CHSY3: variants seen among roughly 807,000 people sequenced by gnomAD.
CHSY3 encodes the protein chondroitin sulfate synthase 3.
In CHSY3, 35 loss-of-function variants were observed where a neutral mutation model predicts 67.2. That is an observed-to-expected ratio of 0.52 (90% CI 0.40 to 0.69). The LOEUF is 0.69. Ranked by LOEUF, CHSY3 falls within the 30% of genes least tolerant of loss-of-function variation. The pLI, the probability that CHSY3 is intolerant of heterozygous loss-of-function variation, is 0.00. For missense variants in CHSY3, 1,069 were observed against 1,138.5 expected (o/e 0.94, Z 0.88); for synonymous variants, 474 against 434.7 (o/e 1.09, Z -1.12).
chr5:129,962,326 A>G (rs1762349565), intron 2 of CHSY3, among the ~76,000 whole-genome samples: 1 of 151,876 alleles, frequency 6.6e-6, no homozygotes, highest in Admixed American at 6.6e-5. Flanking sequence ...CCTGAATTCA[A>G]TCTGTCCCCA....
intron 2 of CHSY3, among the ~76,000 whole-genome samples, chr5:130,159,279 C>T (rs1479521466): frequency 6.6e-6 from 1 of 151,632 alleles, no homozygotes; most frequent in East Asian, 2.0e-4. Context: ...ATCCTCCCAC[C>T]CCAGCCTCCC....
intron 2 of CHSY3, among the ~76,000 whole-genome samples, chr5:129,977,335 C>T (rs1049819994): frequency 3.9e-5 from 6 of 152,082 alleles, no homozygotes; most frequent in Non-Finnish European, 7.4e-5. Context: ...AAAGCATAAG[C>T]AATCCTTTAA....
chr5:130,147,140 A>G (rs2149722515), intron 2 of CHSY3, among the ~76,000 whole-genome samples: 1 of 152,306 alleles, frequency 6.6e-6, no homozygotes, highest in South Asian at 2.1e-4. Flanking sequence ...TTGTTTCCAC[A>G]TGATATATCT....
rs547724084 is a variant in CHSY3 at position 129,929,015 on chromosome 5, C to T, written c.1086+20655C>T. 9.9e-5 allele frequency among the ~76,000 whole-genome samples: 15 copies of T among 152,242 alleles called. No homozygotes were observed. In the South Asian group the frequency reaches 2.7e-3, roughly 27 times the overall value. ...ACTATATATTCTTCTCACAATGTTA[C>T]ACTGAAATTCTGCTTATGAGTTCAA... On this transcript the variant is annotated intron_variant, in intron 2 of 2. Coordinates refer to ENST00000305031, the MANE Select transcript of CHSY3 (RefSeq NM_175856.5).
chr5:130,149,327 A>G (rs1379034638), intron 2 of CHSY3, among the ~76,000 whole-genome samples: 13 of 152,240 alleles, frequency 8.5e-5, no homozygotes, highest in African/African-American at 2.9e-4. Flanking sequence ...CAGGCTTCAC[A>G]GGAAGCATAG....
At chr5:130,127,391 A>C (rs1173341876) in intron 2 of CHSY3, among the ~76,000 whole-genome samples, 1 of 152,212 alleles carries the variant, frequency 6.6e-6, no homozygotes, top group African/African-American at 2.4e-5. Flanking sequence ...AAGAAAAAGG[A>C]AAGGAGAGAG....
chr5:130,107,805 A>C (rs75984438), intron 2 of CHSY3, among the ~76,000 whole-genome samples: 2,296 of 151,656 alleles, frequency 0.015, 67 homozygotes, highest in African/African-American at 0.053. Flanking sequence ...AGCAAGCTCT[A>C]TCCTCTCCAC....
At chr5:130,098,888 A>C (rs1409728726) in intron 2 of CHSY3, among the ~76,000 whole-genome samples, 1 of 152,188 alleles carries the variant, frequency 6.6e-6, no homozygotes, top group Non-Finnish European at 1.5e-5. Flanking sequence ...AGTTGCCTTT[A>C]ATTATTAGTG....
At chr5:130,012,065 C>T (rs1196811920) in intron 2 of CHSY3, among the ~76,000 whole-genome samples, 1 of 152,206 alleles carries the variant, frequency 6.6e-6, no homozygotes, top group East Asian at 1.9e-4. Context: ...GTACCAACTA[C>T]CCATGACATT....
upstream of CHSY3, among the ~76,000 whole-genome samples, chr5:129,904,245 C>T (rs1328944412): frequency 1.3e-5 from 2 of 150,630 alleles, no homozygotes; most frequent in Middle Eastern, 3.2e-3. Context: ...GGATCGTTTC[C>T]TTCCGGAGAG....
chr5:129,956,846 A>T (rs1247658329), intron 2 of CHSY3, among the ~76,000 whole-genome samples: 1 of 152,012 alleles, frequency 6.6e-6, no homozygotes, highest in Non-Finnish European at 1.5e-5. Context: ...TACCAGTACC[A>T]TGCTGTTTTC....
intron 2 of CHSY3, among the ~76,000 whole-genome samples, chr5:130,033,223 T>A (rs926927529): frequency 6.6e-6 from 1 of 152,216 alleles, no homozygotes; most frequent in African/African-American, 2.4e-5. Context: ...TCATCAATCT[T>A]AAGTAAACTT....
intron 2 of CHSY3, among the ~76,000 whole-genome samples, chr5:130,023,454 A>G (rs1388219476): frequency 1.3e-5 from 2 of 152,078 alleles, no homozygotes; most frequent in East Asian, 1.9e-4. Flanking sequence ...GAAGATAAAT[A>G]TAAAGCAAGA....
intron 2 of CHSY3, among the ~76,000 whole-genome samples, chr5:130,035,902 T>TTG (rs1164565951): frequency 6.7e-6 from 1 of 148,766 alleles, no homozygotes; most frequent in African/African-American, 2.5e-5. Context: ...TTTTTTTTTT[T>TTG]TTTTTTTTTT....
chr5:130,004,054 T>C (rs1378323478), intron 2 of CHSY3, among the ~76,000 whole-genome samples: 2 of 152,234 alleles, frequency 1.3e-5, no homozygotes, highest in African/African-American at 4.8e-5. Flanking sequence ...TCTGAAACAT[T>C]CAAGGCCATT....
chr5:129,944,457 C>A lies in CHSY3; in HGVS notation c.1086+36097C>A, dbSNP rs1298008352. The stretch of plus-strand genomic sequence containing the variant: ...TCAAGTGATTCTCCTGCCTCAGCCT[C>A]CTGAGTAGCTCGGATTACAGGCGAA... On this transcript the variant is annotated intron_variant, in intron 2 of 2. Coordinates refer to ENST00000305031, the MANE Select transcript of CHSY3 (RefSeq NM_175856.5). Among the ~76,000 whole-genome samples, 6 of 151,932 alleles carry A rather than the reference C, an allele frequency of 3.9e-5. No individual in the cohort carries two copies. In the East Asian group the frequency reaches 1.2e-3, roughly 29 times the overall value.
At chr5:130,099,281 C>T (rs1220417000) in intron 2 of CHSY3, among the ~76,000 whole-genome samples, 1 of 152,154 alleles carries the variant, frequency 6.6e-6, no homozygotes, top group Non-Finnish European at 1.5e-5. Flanking sequence ...ACAGATCTTT[C>T]TTTGAGAGAA....
At chr5:130,073,152 G>A (rs757209963) in intron 2 of CHSY3, among the ~76,000 whole-genome samples, 1 of 152,010 alleles carries the variant, frequency 6.6e-6, no homozygotes, top group African/African-American at 2.4e-5. Context: ...AGATTTTAAT[G>A]TACTCATGCA....
At chr5:129,987,169 G>T (rs1418988200) in intron 2 of CHSY3, among the ~76,000 whole-genome samples, 1 of 152,094 alleles carries the variant, frequency 6.6e-6, no homozygotes, top group African/African-American at 2.4e-5. Flanking sequence ...AGAAAACAAA[G>T]ATTTCATTAC....
Sources: gnomAD v4.1 joint callset for allele counts (sites outside exome capture counted in the v4.1 genomes callset) on GRCh38, gnomAD v4.1.1 for gene constraint, MANE v1.5 for transcripts, NCBI Gene and HGNC (gene_info 2026-07-23, HGNC 2026-07-21) for gene names.